RAD51B: variants seen among roughly 807,000 people sequenced by gnomAD.
RAD51B encodes the protein RAD51 paralog B.
A neutral mutation model predicts 42.2 loss-of-function variants in RAD51B; 38 were observed. The ratio of observed to expected loss-of-function variants is 0.90; its 90% CI spans 0.70 to 1.18. The LOEUF is 1.18. RAD51B is among the 50% of genes most tolerant of loss of function. RAD51B has a pLI of 0.00. For missense variants in RAD51B, 373 were observed against 400.7 expected (o/e 0.93, Z 0.59); for synonymous variants, 154 against 145.2 (o/e 1.06, Z -0.43).
chr14:68,642,702 T>C (rs1322729142), intron 10 of RAD51B, among the ~76,000 whole-genome samples: 12 of 152,218 alleles, frequency 7.9e-5, no homozygotes, highest in Non-Finnish European at 2.9e-5. Context: ...GAAGCTTAGG[T>C]GATTGATTTT....
At chr14:68,151,463 GA>G (rs2078377663) in intron 7 of RAD51B, among the ~76,000 whole-genome samples, 1 of 151,750 alleles carries the variant, frequency 6.6e-6, no homozygotes, top group South Asian at 2.1e-4. Flanking sequence ...ATCAAATTTG[GA>G]AAAATCTTGG....
chr14:68,533,029 C>T (rs927454157), intron 10 of RAD51B, among the ~76,000 whole-genome samples: 1 of 152,010 alleles, frequency 6.6e-6, no homozygotes, highest in Non-Finnish European at 1.5e-5. Flanking sequence ...ACCCTTATTA[C>T]TCAATATCAT....
chr14:68,092,293 A>T (rs553677058), intron 7 of RAD51B, among the ~76,000 whole-genome samples: 2 of 152,178 alleles, frequency 1.3e-5, no homozygotes, highest in Admixed American at 6.5e-5. Context: ...CTTGGGCAGT[A>T]TGGCCATTTT....
At chr14:68,086,948 C>T (rs2076994511) in intron 7 of RAD51B, among the ~76,000 whole-genome samples, 2 of 151,862 alleles carry the variant, frequency 1.3e-5, no homozygotes, top group Non-Finnish European at 2.9e-5. Flanking sequence ...CCAGCCTGAC[C>T]AACATGATGA....
intron 9 of RAD51B, among the ~76,000 whole-genome samples, chr14:68,455,348 A>G (rs1218311818): frequency 6.6e-6 from 1 of 152,236 alleles, no homozygotes; most frequent in African/African-American, 2.4e-5. Context: ...AACACCTGCC[A>G]TACAGAAAAT....
At chr14:68,650,120 C>CTAA (rs1424964190) in intron 10 of RAD51B, among the ~76,000 whole-genome samples, 5 of 152,130 alleles carry the variant, frequency 3.3e-5, no homozygotes, top group African/African-American at 1.2e-4. Flanking sequence ...TTACAAAGCA[C>CTAA]TAATTCTGTT....
At chr14:68,640,169 A>G (rs1477401955) in intron 10 of RAD51B, among the ~76,000 whole-genome samples, 3 of 152,156 alleles carry the variant, frequency 2.0e-5, no homozygotes, top group Non-Finnish European at 2.9e-5. Flanking sequence ...ACATCCATGC[A>G]TTAGGCATGT....
chr14:67,901,353 G>A (rs2043606333), intron 7 of RAD51B, among the ~76,000 whole-genome samples: 1 of 152,162 alleles, frequency 6.6e-6, no homozygotes, highest in African/African-American at 2.4e-5. Flanking sequence ...AAGTTGGGAT[G>A]GTCCCTTCTG....
chr14:68,206,873 C>T (rs908980761), intron 7 of RAD51B, among the ~76,000 whole-genome samples: 2 of 151,480 alleles, frequency 1.3e-5, no homozygotes, highest in African/African-American at 2.4e-5. Flanking sequence ...CACTGCAAGC[C>T]CCGCCTCCCG....
At chr14:68,010,819 AT>A (rs933105588) in intron 7 of RAD51B, among the ~76,000 whole-genome samples, 6 of 151,832 alleles carry the variant, frequency 4.0e-5, no homozygotes, top group Non-Finnish European at 7.4e-5. Flanking sequence ...AGGGCATGAC[AT>A]TTTTTAAGCG....
chr14:68,048,303 G>A (rs1044380471), intron 7 of RAD51B, among the ~76,000 whole-genome samples: 3 of 152,042 alleles, frequency 2.0e-5, no homozygotes, highest in African/African-American at 7.2e-5. Context: ...TTTTTTCCTT[G>A]TAAATTTGTT....
chr14:68,671,654 A>G (rs10483820), intron 11 of RAD51B, among the ~76,000 whole-genome samples: 70,811 of 151,764 alleles, frequency 0.47, 18,663 homozygotes, highest in African/African-American at 0.72. Context: ...AGACAGTTTA[A>G]TTATTGAAAA....
At chr14:68,476,277 C>T (rs768754777) in intron 10 of RAD51B, among the ~76,000 whole-genome samples, 2 of 152,112 alleles carry the variant, frequency 1.3e-5, no homozygotes, top group Non-Finnish European at 2.9e-5. Flanking sequence ...TGACAAAAAC[C>T]GCATTCCATT....
intron 10 of RAD51B, among the ~76,000 whole-genome samples, chr14:68,554,140 G>C (rs1191926347): frequency 3.9e-5 from 6 of 152,300 alleles, no homozygotes; most frequent in African/African-American, 1.2e-4. Flanking sequence ...TAAATAGGTA[G>C]TTGACTGTAG....
chr14:68,202,430 A>G (rs1339331081), intron 7 of RAD51B, among the ~76,000 whole-genome samples: 1 of 152,146 alleles, frequency 6.6e-6, no homozygotes, highest in African/African-American at 2.4e-5. Context: ...AGTCCTCTCA[A>G]ACCCTGCTGT....
intron 9 of RAD51B, among the ~76,000 whole-genome samples, chr14:68,451,361 A>G (rs977640741): frequency 5.3e-5 from 8 of 152,178 alleles, no homozygotes; most frequent in East Asian, 1.9e-4. Flanking sequence ...GAGTCATTCT[A>G]TGGTTATATA....
intron 7 of RAD51B, among the ~76,000 whole-genome samples, chr14:68,061,252 A>G (rs1324231610): frequency 6.6e-6 from 1 of 151,642 alleles, no homozygotes; most frequent in Non-Finnish European, 1.5e-5. Flanking sequence ...TATTTTTAGT[A>G]TAGATGGGGT....
chr14:68,584,156 C>A (rs772639691), intron 10 of RAD51B, among the ~76,000 whole-genome samples: 3 of 152,156 alleles, frequency 2.0e-5, no homozygotes, highest in Non-Finnish European at 2.9e-5. Context: ...GCTCCTGACA[C>A]AGTGAAGAGC....
rs58934699 is a variant in RAD51B, at chr14:67,976,890, C to A, written c.756+89686C>A. On this transcript the variant is annotated intron_variant, in intron 7 of 10. Coordinates refer to ENST00000471583, the MANE Select transcript of RAD51B (RefSeq NM_133510.4). ...ACAAGAAAAAAACAAACAACCTCAT[C>A]AACAAGTGGGCGAAGGATATGAACA... is the stretch of plus-strand genomic sequence containing the variant. Among the ~76,000 whole-genome samples, 930 of 152,242 alleles carry A rather than the reference C, an allele frequency of 6.1e-3. 7 individuals are homozygous for A. The highest frequency in any genetic ancestry group is 6.9e-3 in the Non-Finnish European group (466 of 67,996).
Sources: allele counts gnomAD v4.1 joint callset (sites outside exome capture counted in the v4.1 genomes callset), GRCh38; gene constraint gnomAD v4.1.1; transcripts MANE v1.5; gene names NCBI Gene and HGNC (gene_info 2026-07-23, HGNC 2026-07-21).